IFT88: variants seen among roughly 807,000 people sequenced by gnomAD.
IFT88 encodes the protein intraflagellar transport protein 88 homolog.
Under a neutral mutation model 119.5 loss-of-function variants are expected in IFT88, and 74 were observed. That is an observed-to-expected ratio of 0.62 (90% CI 0.51 to 0.75). IFT88 has a LOEUF of 0.75. Ranked by LOEUF, IFT88 falls within the 30% of genes least tolerant of loss-of-function variation. IFT88 has a pLI of 0.00. For missense variants in IFT88, 961 were observed against 977.7 expected (o/e 0.98, Z 0.23); for synonymous variants, 279 against 316.7 (o/e 0.88, Z 1.26).
At chr13:20,634,414 G>A (rs965411594) in intron 16 of IFT88, among the ~76,000 whole-genome samples, 3 of 152,148 alleles carry the variant, frequency 2.0e-5, no homozygotes, top group African/African-American at 7.2e-5. Context: ...GATAGAAATG[G>A]GGCTTTCTAG....
intron 15 of IFT88, among the ~76,000 whole-genome samples, chr13:20,630,604 G>T (rs1325966495): frequency 6.6e-6 from 1 of 151,904 alleles, no homozygotes; most frequent in African/African-American, 2.4e-5. Flanking sequence ...TCACGCCTAT[G>T]CCCAGTCTAG....
chr13:20,605,438 C>T (rs1390648750), intron 13 of IFT88, among the ~76,000 whole-genome samples: 1 of 152,120 alleles, frequency 6.6e-6, no homozygotes, highest in East Asian at 1.9e-4. Context: ...TTTATCTTAC[C>T]TTTATTTCAA....
At chr13:20,576,141 T>C (rs2037342217) in intron 2 of IFT88, among the ~76,000 whole-genome samples, 1 of 152,268 alleles carries the variant, frequency 6.6e-6, no homozygotes. Context: ...CACTTTTTCA[T>C]ATACATGCTT....
chr13:20,567,868 GTTT>G, intron 1 of IFT88: 7 of 656,460 alleles, frequency 1.1e-5, no homozygotes, highest in South Asian at 5.6e-5. Context: ...TTTTTTGTTT[GTTT>G]TTTTTTTTTC....
chr13:20,578,034 C>CTTTTTTT (rs57202566), intron 2 of IFT88, among the ~76,000 whole-genome samples: 7 of 55,870 alleles, frequency 1.3e-4, no homozygotes, highest in East Asian at 8.9e-4. Context: ...CTTGTTACTT[C>CTTTTTTT]TTTTTTTTTT....
chr13:20,597,019 T>C lies in IFT88; in HGVS notation c.494T>C (p.Leu165Ser). Residue 165 changes from leucine to serine, a missense_variant, in exon 9 of 26, where the codon TTA becomes TCA. Coordinates refer to ENST00000351808, the MANE Select transcript of IFT88 (RefSeq NM_006531.5). ...AAGGTATAAATCTGATTTCAGGCCT[T>C]AGAAAAGGCAAAAGATGCAGGAAGA... is the stretch of plus-strand genomic sequence containing the variant. ...ANSCGDLKLA[L>S]EKAKDAGRKE... The C allele has an allele frequency of 6.3e-7, 1 of 1,594,168 alleles. No individual in the cohort carries two copies. Among genetic ancestry groups the C allele is most frequent in the Non-Finnish European group, 8.6e-7 (1 of 1,169,478 alleles).
chr13:20,661,548 C>T lies in IFT88; in HGVS notation c.2069-1950C>T, dbSNP rs1486412439. Among the ~76,000 whole-genome samples, 3 of 152,076 alleles carry T rather than the reference C, an allele frequency of 2.0e-5. No individual in the cohort carries two copies. The East Asian group carries it at 5.8e-4, about 29-fold the overall frequency. On this transcript the variant is annotated intron_variant, in intron 22 of 25. Coordinates refer to ENST00000351808, the MANE Select transcript of IFT88 (RefSeq NM_006531.5). ...AGGAGTTCAAGACCAGCCTGACCAA[C>T]ATGAGGAAACCCTTGTCTCTACTAA...
intron 23 of IFT88, among the ~76,000 whole-genome samples, chr13:20,670,039 C>G (rs1486624560): frequency 1.3e-5 from 2 of 152,154 alleles, no homozygotes; most frequent in Non-Finnish European, 2.9e-5. Flanking sequence ...AAACCACAGA[C>G]AATAACTTTA....
rs142265151 is a variant in IFT88 at position 20,619,619 on chromosome 13, A to T, written c.1199+3740A>T. 2.9e-3 allele frequency among the ~76,000 whole-genome samples: 435 copies of T among 152,048 alleles called. 2 individuals are homozygous for T. Among genetic ancestry groups the T allele is most frequent in the African/African-American group, 0.01 (417 of 41,476 alleles). On this transcript the variant is annotated intron_variant, in intron 14 of 25. Transcript: ENST00000351808. ...TAATATGTAAAAATGTATCCATTTCAATGTGACTGGGTGTTGTGATTTGCA... is the reference window on the plus strand; with the variant it reads ...TAATATGTAAAAATGTATCCATTTCTATGTGACTGGGTGTTGTGATTTGCA...
intron 3 of IFT88, 24 bp from the exon 4 acceptor site, chr13:20,589,787 A>G: frequency 6.4e-7 from 1 of 1,552,576 alleles, no homozygotes; most frequent in Non-Finnish European, 8.9e-7. Flanking sequence ...AATCCTGTTA[A>G]CTATGTTCTT....
At chr13:20,649,491 T>C (rs1036074891) in intron 20 of IFT88, among the ~76,000 whole-genome samples, 2 of 152,100 alleles carry the variant, frequency 1.3e-5, no homozygotes, top group African/African-American at 4.8e-5. Context: ...TACAAGATGC[T>C]GCAAAAGCAT....
At chr13:20,650,742 A>G (rs2051511574) in intron 20 of IFT88, among the ~76,000 whole-genome samples, 1 of 152,214 alleles carries the variant, frequency 6.6e-6, no homozygotes, top group Non-Finnish European at 1.5e-5. Context: ...AATCTTAGAT[A>G]TAATAAATGA....
At chr13:20,602,991 A>C (rs2042856074) in intron 12 of IFT88, among the ~76,000 whole-genome samples, 1 of 152,230 alleles carries the variant, frequency 6.6e-6, no homozygotes, top group Non-Finnish European at 1.5e-5. Flanking sequence ...ATATAATGTT[A>C]AGTGAAAACA....
rs749291190 is a variant in IFT88 at position 20,596,999 on chromosome 13, A to G, written c.490-16A>G. On this transcript the variant is annotated splice_polypyrimidine_tract_variant and intron_variant, in intron 8 of 25. Transcript: ENST00000351808. ...GAACACTCAAAGGAAGTTACAAGGT[A>G]TAAATCTGATTTCAGGCCTTAGAAA... 2.3e-5 allele frequency: 33 copies of G among 1,463,388 alleles called. No homozygotes were observed. In the Admixed American group the frequency reaches 6.2e-4, roughly 27 times the overall value. 90.7% of individuals were successfully genotyped at this position (1,463,388 alleles called of 1,614,324 possible).
intron 24 of IFT88, among the ~76,000 whole-genome samples, chr13:20,674,724 A>ATTTTTTTTTTTTTTT (rs35617736): frequency 1.4e-5 from 1 of 73,808 alleles, no homozygotes; most frequent in Admixed American, 1.9e-4. Context: ...ATATATATAT[A>ATTTTTTTTTTTTTTT]TTTTTTTTTT....
At chr13:20,684,613 A>G (rs2057687237) in intron 24 of IFT88, among the ~76,000 whole-genome samples, 1 of 152,192 alleles carries the variant, frequency 6.6e-6, no homozygotes, top group Admixed American at 6.5e-5. Flanking sequence ...CTACATTCAT[A>G]GTTCCTCGGT....
At chr13:20,635,351 A>G (rs2048862276) in intron 16 of IFT88, among the ~76,000 whole-genome samples, 1 of 152,212 alleles carries the variant, frequency 6.6e-6, no homozygotes, top group African/African-American at 2.4e-5. Flanking sequence ...TACATGCAAC[A>G]TACCATGGAG....
chr13:20,569,972 G>C (rs1213422291), intron 1 of IFT88, among the ~76,000 whole-genome samples: 5 of 152,036 alleles, frequency 3.3e-5, no homozygotes, highest in African/African-American at 1.2e-4. Context: ...GTGAAACTGG[G>C]AGGCGGAGCT....
intron 2 of IFT88, among the ~76,000 whole-genome samples, chr13:20,580,865 A>G (rs1186759650): frequency 4.6e-5 from 7 of 151,376 alleles, no homozygotes; most frequent in African/African-American, 7.3e-5. Context: ...AGCTGGGACT[A>G]CAGGCGCCCG....
Sources: gnomAD v4.1 joint callset for allele counts (sites outside exome capture counted in the v4.1 genomes callset) on GRCh38, gnomAD v4.1.1 for gene constraint, MANE v1.5 for transcripts, NCBI Gene and HGNC (gene_info 2026-07-23, HGNC 2026-07-21) for gene names.